The following PDE4DIP variants were observed in gnomAD, a reference collection of about 807,000 sequenced individuals.
PDE4DIP encodes phosphodiesterase 4D interacting protein.
PDE4DIP carries 59 observed loss-of-function variants against 221.4 expected under a neutral mutation model. The ratio of observed to expected loss-of-function variants is 0.27; its 90% CI spans 0.22 to 0.33. PDE4DIP has a LOEUF of 0.33. Ranked by LOEUF, PDE4DIP falls within the 10% of genes least tolerant of loss-of-function variation. The pLI, the probability that PDE4DIP is intolerant of heterozygous loss-of-function variation, is 1.00. For missense variants in PDE4DIP, 1,036 were observed against 2,154.2 expected, an observed-to-expected ratio of 0.48 and a Z score of 10.28; for synonymous variants, 404 against 815.9, an observed-to-expected ratio of 0.50 and a Z score of 8.60.
chr1:148,979,077 C>A (rs1342029345), intron 19 of PDE4DIP, among the ~76,000 whole-genome samples: 10 of 151,860 alleles, frequency 6.6e-5, no homozygotes, highest in African/African-American at 2.4e-4. Context: ...ACATTTGCCC[C>A]AAATTTCTCT....
intron 37 of PDE4DIP, among the ~76,000 whole-genome samples, chr1:149,023,901 GTA>G (rs1553623479): frequency 2.7e-5 from 4 of 150,730 alleles, no homozygotes; most frequent in African/African-American, 7.4e-5. Flanking sequence ...ATATGTAGGT[GTA>G]TATATATGTA....
Position 148,879,497 on chromosome 1 carries a change from TG to T in PDE4DIP, c.442-10286del, listed in dbSNP as rs1692841797. 4.3e-5 allele frequency among the ~76,000 whole-genome samples: 6 copies of T among 140,716 alleles called. No homozygotes were observed. The South Asian group carries it at 1.4e-3, about 33-fold the overall frequency. 92.3% of individuals were successfully genotyped at this position (140,716 alleles called of 152,430 possible). On this transcript the variant is annotated intron_variant, in intron 3 of 45. Transcript: ENST00000524974. Reference sequence around the variant, plus strand: ...TCCCTAAGTGCCACTGCGCCTGGCCTGTTTTTTTATTTTTTGTAGAGATGGG... The same window carrying T: ...TCCCTAAGTGCCACTGCGCCTGGCCTTTTTTTTATTTTTTGTAGAGATGGG...
chr1:149,009,819 T>G, intron 30 of PDE4DIP, 28 bp downstream of exon 33: 1 of 1,443,726 alleles, frequency 6.9e-7, no homozygotes, highest in Non-Finnish European at 9.8e-7. Context: ...GGTGGTACCA[T>G]CTTTGTCTAG....
exon 2 of PDE4DIP, chr1:148,929,208 G>A (rs782583950): frequency 6.2e-7 from 1 of 1,613,768 alleles, no homozygotes; most frequent in South Asian, 1.1e-5. Flanking sequence ...ACATTGAGCT[G>A]AAGGTTGAAG....
At chr1:148,937,351 T>C (rs2798884) in intron 4 of PDE4DIP, among the ~76,000 whole-genome samples, 2 of 152,236 alleles carry the variant, frequency 1.3e-5, no homozygotes, top group Non-Finnish European at 2.9e-5. Context: ...TTGTTTCTTT[T>C]CCAACTTCAT....
chr1:149,025,985 A>G (rs2152775826), intron 38 of PDE4DIP: 1 of 151,376 alleles, frequency 6.6e-6, no homozygotes, highest in Non-Finnish European at 1.5e-5. Context: ...TTATGTCTCC[A>G]ACTCTTCCTT....
chr1:148,822,496 C>T (rs1669547785), intron 1 of PDE4DIP, among the ~76,000 whole-genome samples: 2 of 150,844 alleles, frequency 1.3e-5, no homozygotes, highest in South Asian at 4.2e-4. Context: ...TTACGAGGAT[C>T]TAATACCTGA....
At chr1:149,016,125 G>C (rs1438473619) in intron 32 of PDE4DIP, among the ~76,000 whole-genome samples, 174 bp from the exon 36 acceptor site, 1 of 142,602 alleles carries the variant, frequency 7.0e-6, no homozygotes, top group East Asian at 2.1e-4. Flanking sequence ...AAGGGTGAGA[G>C]TTACAACCTC....
intron 5 of PDE4DIP, chr1:148,952,248 T>C: frequency 9.9e-7 from 1 of 1,010,240 alleles, no homozygotes; most frequent in Non-Finnish European, 1.2e-6. Flanking sequence ...GCAACCGGAT[T>C]TGGGGCGAGG....
intron 5 of PDE4DIP, chr1:148,953,551 A>G: frequency 6.2e-7 from 1 of 1,614,146 alleles, no homozygotes; most frequent in Non-Finnish European, 8.5e-7. Flanking sequence ...CACAACAGAA[A>G]GATGAGGAGA....
chr1:149,006,134 GAAA>G (rs148528730), intron 27 of PDE4DIP, among the ~76,000 whole-genome samples: 1 of 132,462 alleles, frequency 7.5e-6, no homozygotes, highest in Non-Finnish European at 1.7e-5. Context: ...GTCTGTCTCG[GAAA>G]AAAAAAAAAA....
intron 21 of PDE4DIP, chr1:148,989,349 T>A (rs1256279861): frequency 1.1e-5 from 10 of 925,696 alleles, no homozygotes; most frequent in South Asian, 2.9e-5. Context: ...AGTGTCGAGA[T>A]GAGATGAGCA....
chr1:149,016,383 C>T (rs199614379), exon 33 of PDE4DIP: 17 of 1,221,354 alleles, frequency 1.4e-5, no homozygotes, highest in Non-Finnish European at 1.8e-5. Context: ...CTCAACTCTG[C>T]CCAGCCTCAC....
chr1:149,022,813 A>G lies in PDE4DIP; in HGVS notation c.6086-1632A>G, dbSNP rs1311766870. Among the ~76,000 whole-genome samples, 5 of 151,944 alleles carry G rather than the reference A, an allele frequency of 3.3e-5. No homozygotes were observed. The East Asian group carries it at 7.8e-4, about 24-fold the overall frequency. On this transcript the variant is annotated intron_variant, in intron 37 of 43. Coordinates refer to ENST00000369354, the Ensembl canonical transcript of PDE4DIP. ...ACAGAACTTTAGGATGCTAAGTCTT[A>G]GGGGATGTCCTGGAATTGGGAGACA...
chr1:148,955,799 C>T (rs1196041944), intron 5 of PDE4DIP, among the ~76,000 whole-genome samples: 2 of 151,966 alleles, frequency 1.3e-5, no homozygotes, highest in Non-Finnish European at 2.9e-5. Flanking sequence ...GACATTAGAG[C>T]TTTAAGATGG....
chr1:148,827,600 A>G (rs1670893160), intron 1 of PDE4DIP, among the ~76,000 whole-genome samples: 1 of 103,330 alleles, frequency 9.7e-6, no homozygotes, highest in Admixed American at 1.0e-4. Flanking sequence ...AACGATTTTA[A>G]ATATTCTTAG....
At chr1:148,936,671 T>C (rs1553475098) in intron 4 of PDE4DIP, among the ~76,000 whole-genome samples, 1 of 152,246 alleles carries the variant, frequency 6.6e-6, no homozygotes, top group African/African-American at 2.4e-5. Context: ...TTTCCTTATA[T>C]CCTTATTCTA....
Position 149,016,915 on chromosome 1 carries a change from G to A in PDE4DIP, c.5518+365G>A, listed in dbSNP as rs587617994. On this transcript the variant is annotated intron_variant, in intron 33 of 43. Coordinates refer to ENST00000369354, the Ensembl canonical transcript of PDE4DIP. ...GTCAGGACTTGTCACAGGAAAGGGT[G>A]TAAGGGTGCAGCTCCCTGACCCTGC... Among the ~76,000 whole-genome samples, 1,180 of 152,362 alleles carry A rather than the reference G, an allele frequency of 7.7e-3. 1 individual carries two copies. The highest frequency in any genetic ancestry group is 0.027 in the African/African-American group (1,115 of 41,558).
intron 37 of PDE4DIP, among the ~76,000 whole-genome samples, chr1:149,021,983 G>A (rs1256084318): frequency 6.7e-6 from 1 of 148,246 alleles, no homozygotes; most frequent in Non-Finnish European, 1.5e-5. Context: ...CATCAATGTC[G>A]TGAAATTTAG....
Sources: allele counts gnomAD v4.1 joint callset (sites outside exome capture counted in the v4.1 genomes callset), GRCh38; gene constraint gnomAD v4.1.1; transcripts MANE v1.5; gene names NCBI Gene and HGNC (gene_info 2026-07-23, HGNC 2026-07-21).